The following PXDNL variants were observed in gnomAD, a reference collection of about 807,000 sequenced individuals.
PXDNL encodes peroxidasin like.
A neutral mutation model predicts 150.8 loss-of-function variants in PXDNL; 145 were observed. That is an observed-to-expected ratio of 0.96 (90% CI 0.84 to 1.10). The LOEUF (loss-of-function observed/expected upper bound fraction) is 1.10, where lower values mean the gene tolerates loss of function less well. PXDNL is among the 50% of genes least tolerant of loss of function. The pLI is 0.00. For synonymous variants in PXDNL, 757 were observed against 725.7 expected (o/e 1.04, Z -0.69); for missense variants, 2,087 against 1,873.9 (o/e 1.11, Z -2.10).
chr8:51,445,886 T>C (rs1277295498), intron 12 of PXDNL, among the ~76,000 whole-genome samples: 4 of 152,148 alleles, frequency 2.6e-5, no homozygotes, highest in Non-Finnish European at 5.9e-5. Flanking sequence ...GCCTGACACC[T>C]TTCCACAATT....
At chr8:51,495,021 T>C (rs1370189394) in intron 5 of PXDNL, among the ~76,000 whole-genome samples, 2 of 152,108 alleles carry the variant, frequency 1.3e-5, no homozygotes, top group African/African-American at 2.4e-5. Context: ...ATTGACCACA[T>C]AGTTGGAAGT....
rs546275580 is a variant in PXDNL, at chr8:51,662,553, A to G, written c.165-7793T>C. Among the ~76,000 whole-genome samples the G allele has an allele frequency of 1.2e-4, 19 of 152,342 alleles. No individual in the cohort carries two copies. The South Asian group carries it at 3.5e-3, about 28-fold the overall frequency. On this transcript the variant is annotated intron_variant, in intron 1 of 22. Coordinates refer to ENST00000356297, the MANE Select transcript of PXDNL (RefSeq NM_144651.5). ...AAAAATAATTTTAAAATACAACAAT[A>G]AAAATACACATTTTAAAAAATAAAG...
At chr8:51,609,574 T>C (rs1813951851) in intron 2 of PXDNL, among the ~76,000 whole-genome samples, 1 of 152,078 alleles carries the variant, frequency 6.6e-6, no homozygotes, top group Non-Finnish European at 1.5e-5. Context: ...AACATGGTGA[T>C]AGAGATGAAT....
chr8:51,700,482 C>T (rs1256631221), intron 1 of PXDNL, among the ~76,000 whole-genome samples: 2 of 151,898 alleles, frequency 1.3e-5, no homozygotes, highest in Non-Finnish European at 2.9e-5. Context: ...CATGCATACA[C>T]ACATATACAT....
At chr8:51,398,558 T>C (rs1808157946) in intron 17 of PXDNL, among the ~76,000 whole-genome samples, 1 of 152,208 alleles carries the variant, frequency 6.6e-6, no homozygotes, top group Non-Finnish European at 1.5e-5. Context: ...GGATAAACTC[T>C]ACTCAACAGA....
At chr8:51,352,985 T>G (rs959933813) in intron 19 of PXDNL, among the ~76,000 whole-genome samples, 1 of 152,152 alleles carries the variant, frequency 6.6e-6, no homozygotes, top group African/African-American at 2.4e-5. Flanking sequence ...TATTGAAGAT[T>G]ACCTATTGAG....
chr8:51,345,013 A>G (rs967117940), intron 20 of PXDNL, among the ~76,000 whole-genome samples: 5 of 152,208 alleles, frequency 3.3e-5, no homozygotes, highest in African/African-American at 1.2e-4. Context: ...TGACAACTGT[A>G]ATTGAAGAAA....
At chr8:51,565,927 A>G (rs28784007) in intron 3 of PXDNL, among the ~76,000 whole-genome samples, 28,796 of 151,768 alleles carry the variant, frequency 0.19, 2,851 homozygotes, top group Admixed American at 0.25. Context: ...ATTAAGCATT[A>G]TATTAGCCAT....
intron 1 of PXDNL, among the ~76,000 whole-genome samples, chr8:51,791,103 A>ATTTGGG (rs2037509456): frequency 6.6e-6 from 1 of 152,192 alleles, no homozygotes; most frequent in Admixed American, 6.5e-5. Flanking sequence ...ACTTGCCCAA[A>ATTTGGG]GACACACAGC....
At chr8:51,482,109 G>T (rs888606892) in intron 6 of PXDNL, among the ~76,000 whole-genome samples, 1 of 152,190 alleles carries the variant, frequency 6.6e-6, no homozygotes, top group Admixed American at 6.5e-5. Flanking sequence ...CCCCATGAAA[G>T]AAACCAGGAG....
Position 51,319,832 on chromosome 8 carries a change from T to C in PXDNL, c.*59A>G, listed in dbSNP as rs372262910. 2.1e-5 allele frequency: 30 copies of C among 1,396,938 alleles called. No homozygotes were observed. The African/African-American group carries it at 2.5e-4, about 12-fold the overall frequency. 86.5% of individuals were successfully genotyped at this position (1,396,938 alleles called of 1,614,324 possible). A position where few individuals can be genotyped will look rare whatever the true frequency, so the allele number is the denominator to read the frequency against. ...TGACTACAAGTTAAAAGTTCTGAAGTCCTAAATGTCTCTTCCTGAGAAATT... is the reference window on the plus strand; with the variant it reads ...TGACTACAAGTTAAAAGTTCTGAAGCCCTAAATGTCTCTTCCTGAGAAATT... On this transcript the variant is annotated 3_prime_UTR_variant, in exon 23 of 23. Coordinates refer to ENST00000356297, the MANE Select transcript of PXDNL (RefSeq NM_144651.5).
At chr8:51,701,215 AT>A (rs2130882170) in intron 1 of PXDNL, among the ~76,000 whole-genome samples, 1 of 152,180 alleles carries the variant, frequency 6.6e-6, no homozygotes, top group African/African-American at 2.4e-5. Flanking sequence ...AGCATTTACC[AT>A]TTTTGCCTTC....
intron 4 of PXDNL, among the ~76,000 whole-genome samples, chr8:51,528,191 C>A (rs1318533032): frequency 6.6e-6 from 1 of 152,136 alleles, no homozygotes; most frequent in Non-Finnish European, 1.5e-5. Flanking sequence ...CTTCTCCTGG[C>A]AGCTGAGAAG....
At chr8:51,609,930 CTA>C (rs757393737) in intron 2 of PXDNL, among the ~76,000 whole-genome samples, 3 of 152,198 alleles carry the variant, frequency 2.0e-5, no homozygotes, top group Non-Finnish European at 4.4e-5. Flanking sequence ...GTCCCACTGT[CTA>C]TGTTTGCAAA....
chr8:51,426,681 G>T lies in PXDNL; in HGVS notation c.1603C>A (p.Gln535Lys). The change falls in exon 13 of 23, where the codon CAA (glutamine) becomes AAA (lysine). Residue 535 changes from glutamine to lysine, a missense_variant. Gln to Lys is a moderately conservative substitution (Grantham distance 53). Coordinates refer to ENST00000356297, the MANE Select transcript of PXDNL (RefSeq NM_144651.5). ...GTAATTATGGGCTGTGGTTCTCCTTGAGCATGACATGAAATGTTTATATTC... is the reference window on the plus strand; with the variant it reads ...GTAATTATGGGCTGTGGTTCTCCTTTAGCATGACATGAAATGTTTATATTC... Reference protein sequence around the residue: ...GKNINISCHAQGEPQPIITWN... With the variant: ...GKNINISCHAKGEPQPIITWN... The T allele has an allele frequency of 6.2e-7, 1 of 1,607,082 alleles. No homozygotes were observed. The highest frequency in any genetic ancestry group is 1.1e-5 in the South Asian group (1 of 89,866).
intron 20 of PXDNL, among the ~76,000 whole-genome samples, chr8:51,344,094 G>C (rs1806071786): frequency 6.6e-6 from 1 of 151,874 alleles, no homozygotes; most frequent in South Asian, 2.1e-4. Flanking sequence ...CATTCATTTT[G>C]GGTTTTTTGT....
At chr8:51,596,801 AG>A (rs1813578036) in intron 2 of PXDNL, among the ~76,000 whole-genome samples, 1 of 152,136 alleles carries the variant, frequency 6.6e-6, no homozygotes, top group African/African-American at 2.4e-5. Context: ...GATCCTAGAT[AG>A]TAGACCTTTA....
chr8:51,466,442 A>C (rs1377725140), intron 8 of PXDNL, among the ~76,000 whole-genome samples: 3 of 152,000 alleles, frequency 2.0e-5, no homozygotes, highest in Non-Finnish European at 4.4e-5. Context: ...AACTGTAAAA[A>C]TTTTAGAAAA....
chr8:51,338,968 T>C lies in PXDNL; in HGVS notation c.4146+656A>G, dbSNP rs1470533173. Among the ~76,000 whole-genome samples the C allele has an allele frequency of 2.0e-5, 3 of 152,186 alleles. No homozygotes were observed. The East Asian group carries it at 5.8e-4, about 29-fold the overall frequency. ...ATCGTGCTGTTAAAAATTATCTCCA[T>C]CTGTGGAGATGAAGCAGGCATCAAG... On this transcript the variant is annotated intron_variant, in intron 21 of 22. Transcript: ENST00000356297.
Sources: gnomAD v4.1 joint callset for allele counts (sites outside exome capture counted in the v4.1 genomes callset) on GRCh38, gnomAD v4.1.1 for gene constraint, MANE v1.5 for transcripts, NCBI Gene and HGNC (gene_info 2026-07-23, HGNC 2026-07-21) for gene names.